The following TANC2 variants were observed in gnomAD, a reference collection of about 807,000 sequenced individuals.
TANC2 encodes the protein protein TANC2.
A neutral mutation model predicts 210.5 loss-of-function variants in TANC2; 26 were observed. The observed-to-expected ratio is 0.12, with a 90% CI of 0.09 to 0.17. The LOEUF is 0.17. Among genes scored for constraint, TANC2 ranks in the 10% least tolerant of loss-of-function variants. The pLI is 1.00. For synonymous variants in TANC2, 931 were observed against 967.1 expected, an observed-to-expected ratio of 0.96 and a Z score of 0.69; for missense variants, 2,129 against 2,608.9, an observed-to-expected ratio of 0.82 and a Z score of 4.01.
chr17:63,100,347 G>T (rs2037575069), intron 4 of TANC2, among the ~76,000 whole-genome samples: 2 of 151,962 alleles, frequency 1.3e-5, no homozygotes, highest in Admixed American at 6.6e-5. Flanking sequence ...CATAAATTAT[G>T]CCTCTTTACA....
intron 4 of TANC2, among the ~76,000 whole-genome samples, chr17:63,120,052 T>TA (rs201238687): frequency 0.068 from 9,509 of 140,550 alleles, 494 homozygotes; most frequent in African/African-American, 0.15. Flanking sequence ...CTCTGTCTCA[T>TA]AAAAAAAAAA....
chr17:63,035,850 AC>A (rs2034951075), intron 2 of TANC2, among the ~76,000 whole-genome samples: 1 of 152,154 alleles, frequency 6.6e-6, no homozygotes, highest in Non-Finnish European at 1.5e-5. Context: ...CAAATGCTCC[AC>A]CCACTTGGTA....
chr17:63,340,743 A>G (rs1400690170), intron 12 of TANC2, among the ~76,000 whole-genome samples: 2 of 152,182 alleles, frequency 1.3e-5, no homozygotes, highest in Non-Finnish European at 2.9e-5. Context: ...AGTTCATGTG[A>G]AGTGGAATGG....
chr17:63,057,394 AC>A (rs2035844082), intron 2 of TANC2, among the ~76,000 whole-genome samples: 1 of 152,196 alleles, frequency 6.6e-6, no homozygotes, highest in Non-Finnish European at 1.5e-5. Context: ...TCTTTATTCT[AC>A]AATAATTTAG....
chr17:63,206,973 C>T (rs2041734483), intron 7 of TANC2, among the ~76,000 whole-genome samples: 1 of 151,936 alleles, frequency 6.6e-6, no homozygotes, highest in Middle Eastern at 3.2e-3. Context: ...ACCTGACTAC[C>T]TCTCTTACCC....
chr17:62,972,017 A>T (rs1414819547), intron 1 of TANC2, among the ~76,000 whole-genome samples: 4 of 152,234 alleles, frequency 2.6e-5, no homozygotes, highest in Non-Finnish European at 2.9e-5. Context: ...GTAATATTAG[A>T]TGGAGAACAG....
At chr17:63,258,817 G>A (rs1170780048) in intron 8 of TANC2, among the ~76,000 whole-genome samples, 1 of 152,150 alleles carries the variant, frequency 6.6e-6, no homozygotes, top group Non-Finnish European at 1.5e-5. Context: ...AAGCCCTCTT[G>A]GTGCTTTACC....
At chr17:63,186,966 T>C (rs1229518832) in intron 5 of TANC2, among the ~76,000 whole-genome samples, 6 of 152,226 alleles carry the variant, frequency 3.9e-5, no homozygotes, top group African/African-American at 1.4e-4. Context: ...GTTACAGAAT[T>C]CCATTCAAGG....
intron 6 of TANC2, among the ~76,000 whole-genome samples, chr17:63,200,371 AAAAAAG>A (rs1345377974): frequency 1.9e-4 from 29 of 151,366 alleles, no homozygotes; most frequent in South Asian, 1.7e-3. Context: ...AAAAAAAAAA[AAAAAAG>A]AAAGAAAGAA....
chr17:63,347,928 G>A (rs1381123383), intron 12 of TANC2, among the ~76,000 whole-genome samples: 1 of 152,012 alleles, frequency 6.6e-6, no homozygotes. Context: ...ATCATACTTG[G>A]CTAATTTTTT....
chr17:62,981,361 AC>A (rs1021273238), intron 1 of TANC2, among the ~76,000 whole-genome samples: 40 of 151,066 alleles, frequency 2.6e-4, no homozygotes, highest in Admixed American at 2.0e-3. Flanking sequence ...ATTAGAACCT[AC>A]CCCCCCTCAC....
intron 7 of TANC2, among the ~76,000 whole-genome samples, chr17:63,232,414 C>A (rs1023251614): frequency 1.3e-5 from 2 of 152,240 alleles, no homozygotes; most frequent in African/African-American, 4.8e-5. Flanking sequence ...ATCTTTGAGG[C>A]TGCTGACCTT....
chr17:63,396,001 G>A, intron 18 of TANC2, 73 bp downstream of exon 18: 3 of 1,418,282 alleles, frequency 2.1e-6, no homozygotes, highest in Non-Finnish European at 1.9e-6. Context: ...AGAAAAGATT[G>A]CACGAAGACA....
Position 63,292,146 on chromosome 17 carries a change from G to A in TANC2, c.1160-22242G>A, listed in dbSNP as rs565640525. Among the ~76,000 whole-genome samples the A allele has an allele frequency of 6.6e-5, 10 of 152,268 alleles. No individual in the cohort carries two copies. In the East Asian group the frequency reaches 1.7e-3, roughly 26 times the overall value. Reference sequence around the variant, plus strand: ...GTTGGAAATGCTGTACAGGAATGAGGTCTAGAATAGAATAAACTTGGGCAC... The same window carrying A: ...GTTGGAAATGCTGTACAGGAATGAGATCTAGAATAGAATAAACTTGGGCAC... On this transcript the variant is annotated intron_variant, in intron 9 of 27. Transcript: ENST00000689528.
chr17:63,340,151 G>A (rs1390330045), exon 12 of TANC2: 1 of 1,613,886 alleles, frequency 6.2e-7, no homozygotes, highest in Non-Finnish European at 8.5e-7. Flanking sequence ...CTTGCTTGGT[G>A]CCAGAATTTG....
intron 2 of TANC2, among the ~76,000 whole-genome samples, chr17:63,027,479 A>C (rs2034600744): frequency 1.3e-5 from 2 of 152,008 alleles, no homozygotes; most frequent in African/African-American, 4.8e-5. Flanking sequence ...ATACTGTCAA[A>C]ATTTTCATCT....
chr17:63,330,348 T>C (rs1224251150), intron 11 of TANC2, among the ~76,000 whole-genome samples: 1 of 152,258 alleles, frequency 6.6e-6, no homozygotes, highest in Non-Finnish European at 1.5e-5. Context: ...CCAGCTAAGA[T>C]AATTGATGAA....
chr17:63,312,441 T>C (rs755146967), intron 9 of TANC2, among the ~76,000 whole-genome samples: 4 of 152,194 alleles, frequency 2.6e-5, no homozygotes, highest in Non-Finnish European at 5.9e-5. Context: ...AAGGTCATTA[T>C]CCTAAGTGAA....
intron 14 of TANC2, among the ~76,000 whole-genome samples, chr17:63,366,057 AT>A (rs1329413369): frequency 9.9e-5 from 15 of 151,038 alleles, no homozygotes; most frequent in Non-Finnish European, 5.9e-5. Flanking sequence ...CGCACGGTAA[AT>A]TTTTTTTTGA....
Sources: gnomAD v4.1 joint callset for allele counts (sites outside exome capture counted in the v4.1 genomes callset) on GRCh38, gnomAD v4.1.1 for gene constraint, MANE v1.5 for transcripts, NCBI Gene and HGNC (gene_info 2026-07-23, HGNC 2026-07-21) for gene names.